GRID1: variants seen among roughly 807,000 people sequenced by gnomAD.
The protein encoded by GRID1 is glutamate ionotropic receptor delta type subunit 1, also known as glutamate receptor ionotropic, delta-1.
GRID1 carries 28 observed loss-of-function variants against 98.0 expected under a neutral mutation model. The observed-to-expected ratio is 0.29, with a 90% CI of 0.21 to 0.39. The LOEUF is 0.39. Among genes scored for constraint, GRID1 ranks in the 10% least tolerant of loss-of-function variants. GRID1 has a pLI of 1.00. For missense variants in GRID1, 1,111 were observed against 1,340.5 expected (o/e 0.83, Z 2.67); for synonymous variants, 553 against 538.5 (o/e 1.03, Z -0.37).
chr10:86,081,052 T>C (rs1367406385), intron 4 of GRID1, among the ~76,000 whole-genome samples: 1 of 152,124 alleles, frequency 6.6e-6, no homozygotes, highest in African/African-American at 2.4e-5. Flanking sequence ...CGGTGATCAC[T>C]GCCAGCATCT....
At chr10:86,005,350 GA>G (rs34746369) in intron 4 of GRID1, among the ~76,000 whole-genome samples, 3 of 148,698 alleles carry the variant, frequency 2.0e-5, no homozygotes, top group East Asian at 3.9e-4. Flanking sequence ...AAAATAAATT[GA>G]AAAAAAAAAG....
At chr10:85,761,627 G>A in intron 8 of GRID1, among the ~76,000 whole-genome samples, 1 of 151,990 alleles carries the variant, frequency 6.6e-6, no homozygotes, top group South Asian at 2.1e-4. Context: ...GCAATGACAA[G>A]GAGTTCTAAA....
At chr10:85,704,849 A>C (rs543998633) in intron 12 of GRID1, among the ~76,000 whole-genome samples, 42 of 152,264 alleles carry the variant, frequency 2.8e-4, no homozygotes, top group African/African-American at 9.1e-4. Flanking sequence ...GGAAACTGAA[A>C]AACCTGCTCC....
chr10:86,342,967 GAAATGAATGAAC>G (rs56373392), intron 2 of GRID1, among the ~76,000 whole-genome samples: 99,978 of 151,830 alleles, frequency 0.66, 35,941 homozygotes, highest in Non-Finnish European at 0.82. Flanking sequence ...AGGCACTCAG[GAAATGAATGAAC>G]AAATGAATGG....
At chr10:86,334,169 CG>C (rs1848191842) in intron 2 of GRID1, among the ~76,000 whole-genome samples, 2 of 152,070 alleles carry the variant, frequency 1.3e-5, no homozygotes, top group African/African-American at 2.4e-5. Context: ...GTTCCATTTC[CG>C]GGGACTATGC....
Position 85,602,649 on chromosome 10 carries a change from T to A in GRID1, c.2654A>T (p.Asp885Val). Reference protein sequence around the residue: ...QVHRRMNSLMDEDIAHKQISP... With the variant: ...QVHRRMNSLMVEDIAHKQISP... ...AATCTGCTTGTGAGCAATGTCTTCA[T>A]CCATGAGGCTGTTCATGCGCCGGTG... The change falls in exon 16 of 16, where the codon GAT becomes GTT. Residue 885 changes from aspartate (D) to valine (V), a missense_variant. Around this residue, in one of 3 missense-constraint regions of GRID1, gnomAD observed 762 missense variants for 869.1 expected, o/e 0.88. Transcript: ENST00000327946. 1 of 1,613,928 alleles carries A rather than the reference T, an allele frequency of 6.2e-7. No individual in the cohort carries two copies. The highest frequency in any genetic ancestry group is 8.5e-7 in the Non-Finnish European group (1 of 1,179,936).
chr10:86,342,756 T>A (rs1165170164), intron 2 of GRID1, among the ~76,000 whole-genome samples: 1 of 152,212 alleles, frequency 6.6e-6, no homozygotes, highest in Non-Finnish European at 1.5e-5. Context: ...CCCCTCAGCA[T>A]TGAGGGAGCC....
At chr10:86,356,534 C>G (rs1478341928) in intron 2 of GRID1, among the ~76,000 whole-genome samples, 1 of 152,180 alleles carries the variant, frequency 6.6e-6, no homozygotes, top group Non-Finnish European at 1.5e-5. Flanking sequence ...CTGAGCCCCC[C>G]AGAGCTCTCT....
intron 4 of GRID1, among the ~76,000 whole-genome samples, chr10:85,940,205 C>T (rs1201999276): frequency 6.6e-6 from 1 of 152,076 alleles, no homozygotes; most frequent in Non-Finnish European, 1.5e-5. Context: ...AATGTGAATG[C>T]CTTTTGATGG....
At chr10:86,019,336 G>A (rs796420256) in intron 4 of GRID1, among the ~76,000 whole-genome samples, 2 of 152,210 alleles carry the variant, frequency 1.3e-5, no homozygotes, top group South Asian at 4.1e-4. Flanking sequence ...GTATGGTGGT[G>A]CTCCCCTGGG....
At chr10:86,183,300 T>A (rs995716134) in intron 3 of GRID1, among the ~76,000 whole-genome samples, 10 of 152,190 alleles carry the variant, frequency 6.6e-5, no homozygotes, top group Non-Finnish European at 1.3e-4. Context: ...TGATTCCATT[T>A]TATTGCTGAG....
chr10:86,177,441 G>C (rs1421837099), intron 3 of GRID1, among the ~76,000 whole-genome samples: 3 of 152,048 alleles, frequency 2.0e-5, no homozygotes, highest in Non-Finnish European at 2.9e-5. Flanking sequence ...CTGTGTATGG[G>C]GGGGTGGGTG....
At chr10:85,817,942 G>A (rs1271606608) in intron 8 of GRID1, among the ~76,000 whole-genome samples, 1 of 152,162 alleles carries the variant, frequency 6.6e-6, no homozygotes, top group African/African-American at 2.4e-5. Context: ...TAACCTCACT[G>A]AAGGCAGTGG....
At chr10:85,744,227 T>C (rs1028702669) in intron 8 of GRID1, among the ~76,000 whole-genome samples, 1 of 152,184 alleles carries the variant, frequency 6.6e-6, no homozygotes. Context: ...CTCACAGACC[T>C]TCTCTGTTAG....
intron 13 of GRID1, among the ~76,000 whole-genome samples, chr10:85,636,184 C>A (rs921385428): frequency 6.6e-6 from 1 of 152,104 alleles, no homozygotes; most frequent in Admixed American, 6.6e-5. Context: ...AGGAAGACCC[C>A]GGGTAAAATA....
At chr10:86,196,422 AT>A (rs987041168) in intron 3 of GRID1, among the ~76,000 whole-genome samples, 1 of 152,040 alleles carries the variant, frequency 6.6e-6, no homozygotes, top group African/African-American at 2.4e-5. Flanking sequence ...ACTTCATTTC[AT>A]TTCATTTCAG....
rs1031935999 is a variant in GRID1, at chr10:86,186,793, G to A, written c.520+19571C>T. On this transcript the variant is annotated intron_variant, in intron 3 of 15. Coordinates refer to ENST00000327946, the MANE Select transcript of GRID1 (RefSeq NM_017551.3). ...AAGCAACCACTTCATCACTTCCTTGGGTGACAACCCCAGAGCACATAAGAA... is the reference window on the plus strand; with the variant it reads ...AAGCAACCACTTCATCACTTCCTTGAGTGACAACCCCAGAGCACATAAGAA... Among the ~76,000 whole-genome samples, 7 of 152,224 alleles carry A rather than the reference G, an allele frequency of 4.6e-5. No individual in the cohort carries two copies. The South Asian group carries it at 1.0e-3, about 23-fold the overall frequency.
intron 4 of GRID1, among the ~76,000 whole-genome samples, chr10:86,104,366 G>A (rs113678699): frequency 5.3e-5 from 8 of 152,238 alleles, no homozygotes; most frequent in South Asian, 2.1e-4. Context: ...GAGAAGGCCC[G>A]GCACAGGCAT....
At chr10:85,607,482 C>T (rs1296335568) in intron 15 of GRID1, among the ~76,000 whole-genome samples, 5 of 152,120 alleles carry the variant, frequency 3.3e-5, no homozygotes, top group Non-Finnish European at 5.9e-5. Context: ...CCCAACGGGC[C>T]GGGCTAGGGG....
Sources: allele counts gnomAD v4.1 joint callset (sites outside exome capture counted in the v4.1 genomes callset), GRCh38; gene constraint gnomAD v4.1.1; regional missense constraint gnomAD v4.1.1; transcripts MANE v1.5; gene names NCBI Gene and HGNC (gene_info 2026-07-23, HGNC 2026-07-21).